Variants in ATG10 observed in about 807,000 individuals in gnomAD.
ATG10 encodes the protein autophagy related 10.
ATG10 carries 30 observed loss-of-function variants against 32.1 expected under a neutral mutation model. That is an observed-to-expected ratio of 0.94 (90% CI 0.70 to 1.27). ATG10 has a LOEUF of 1.27. ATG10 is among the 50% of genes most tolerant of loss of function. The probability of loss-of-function intolerance (pLI) is 0.00; values close to 1 mark genes in which losing one functional copy is unlikely to be tolerated. For synonymous variants in ATG10, 87 were observed against 91.5 expected (o/e 0.95, Z 0.28); for missense variants, 233 against 262.3 (o/e 0.89, Z 0.77).
intron 5 of ATG10, among the ~76,000 whole-genome samples, chr5:82,233,618 A>G (rs184947755): frequency 2.0e-5 from 3 of 152,310 alleles, no homozygotes; most frequent in Admixed American, 1.3e-4. Flanking sequence ...TCTAAGTTAA[A>G]TGAACCAGTG....
At chr5:82,082,394 T>C (rs1009076637) in intron 3 of ATG10, among the ~76,000 whole-genome samples, 1 of 152,214 alleles carries the variant, frequency 6.6e-6, no homozygotes, top group South Asian at 2.1e-4. Flanking sequence ...TTCTTATATC[T>C]TCAAAATTTG....
intron 3 of ATG10, among the ~76,000 whole-genome samples, chr5:82,104,792 T>C (rs1464389768): frequency 4.6e-5 from 7 of 152,204 alleles, no homozygotes; most frequent in Non-Finnish European, 1.5e-5. Context: ...GTTAAACCTA[T>C]ATATGAGATT....
intron 3 of ATG10, among the ~76,000 whole-genome samples, chr5:82,139,982 GT>G (rs1767010970): frequency 7.6e-6 from 1 of 132,074 alleles, no homozygotes; most frequent in Admixed American, 7.1e-5. Context: ...CGTCAGGGAG[GT>G]GAGGGGCGCC....
intron 3 of ATG10, among the ~76,000 whole-genome samples, chr5:82,125,735 G>C (rs1419143378): frequency 6.6e-6 from 1 of 151,838 alleles, no homozygotes; most frequent in Admixed American, 6.6e-5. Flanking sequence ...TCTTTTTGCT[G>C]AGGATTGTCT....
intron 3 of ATG10, among the ~76,000 whole-genome samples, chr5:82,127,144 T>G (rs1157662918): frequency 6.6e-6 from 1 of 152,178 alleles, no homozygotes; most frequent in Non-Finnish European, 1.5e-5. Context: ...TTATCATTTT[T>G]TATTGCATGT....
intron 3 of ATG10, among the ~76,000 whole-genome samples, chr5:82,088,537 A>G (rs1242072228): frequency 6.6e-6 from 1 of 152,182 alleles, no homozygotes; most frequent in African/African-American, 2.4e-5. Flanking sequence ...GAGGCAAGAG[A>G]GACACACTCA....
At chr5:82,183,407 A>G (rs1324347374) in intron 5 of ATG10, among the ~76,000 whole-genome samples, 1 of 146,410 alleles carries the variant, frequency 6.8e-6, no homozygotes, top group African/African-American at 2.5e-5. Context: ...TTTTTTTTCT[A>G]ATTGTATTTC....
At chr5:82,019,879 C>G (rs1175242421) in intron 2 of ATG10, among the ~76,000 whole-genome samples, 1 of 152,160 alleles carries the variant, frequency 6.6e-6, no homozygotes, top group Admixed American at 6.5e-5. Context: ...CAAAGAGTAG[C>G]CAGGCTTGAC....
intron 2 of ATG10, among the ~76,000 whole-genome samples, chr5:82,044,412 A>C (rs1275355135): frequency 6.6e-6 from 1 of 152,110 alleles, no homozygotes; most frequent in Non-Finnish European, 1.5e-5. Context: ...CATGGTCTCT[A>C]ATTCTATCAC....
rs77349086 is a variant in ATG10, at chr5:82,121,941, G to GTTTTTTTTTTTTTTTTTTTTTT, written c.217-42439_217-42438insTTTTTTTTTTTTTTTTTTTTTT. Among the ~76,000 whole-genome samples the GTTTTTTTTTTTTTTTTTTTTTT allele has an allele frequency of 6.8e-4, 82 of 120,992 alleles. 4 individuals carry two copies. The highest frequency in any genetic ancestry group is 4.5e-3 in the Middle Eastern group (1 of 224). The allele number at this position is 120,992 out of a possible 152,430, so 79.4% of individuals were successfully genotyped here. A position where few individuals can be genotyped will look rare whatever the true frequency, so the allele number is the denominator to read the frequency against. On this transcript the variant is annotated intron_variant, in intron 3 of 7. Transcript: ENST00000282185. ...GATTTTGCATCAATATTGGCCTGAAGTTTTTTTTTTTTTTTTTTTATGTCT... is the reference window on the plus strand; with the variant it reads ...GATTTTGCATCAATATTGGCCTGAAGTTTTTTTTTTTTTTTTTTTTTTTTTTTTTTTTTTTTTTTTTATGTCT...
chr5:82,044,637 G>A (rs1238548906), intron 2 of ATG10, among the ~76,000 whole-genome samples: 13 of 151,942 alleles, frequency 8.6e-5, no homozygotes, highest in Middle Eastern at 3.2e-3. Context: ...GAATTGCGAC[G>A]GCAAGTCCTG....
chr5:82,225,785 T>G (rs1441674216), intron 5 of ATG10, among the ~76,000 whole-genome samples: 6 of 152,182 alleles, frequency 3.9e-5, no homozygotes, highest in Admixed American at 1.3e-4. Context: ...TTATAAATGC[T>G]TCTAGAGGGA....
At position 82,255,166 on chromosome 5, in the gene ATG10, T is replaced by C. The variant is rs1054523498; in HGVS notation, c.*1103T>C. 2.6e-5 allele frequency: 4 copies of C among 152,218 alleles called. No individual in the cohort carries two copies. Among genetic ancestry groups the C allele is most frequent in the African/African-American group, 9.6e-5 (4 of 41,454 alleles). 9.4% of individuals were successfully genotyped at this position (152,218 alleles called of 1,614,324 possible). The stretch of plus-strand genomic sequence containing the variant: ...CTCTTTGAGGGCTCTTGAGCGAGTC[T>C]TCATGTCCCTGAGACTTATTTTCCT... On this transcript the variant is annotated 3_prime_UTR_variant, in exon 8 of 8. Transcript: ENST00000282185.
rs185880040 is a variant in ATG10, at chr5:82,254,355, G to C, written c.*292G>C. The C allele has an allele frequency of 2.7e-4, 41 of 152,218 alleles. No homozygotes were observed. Among genetic ancestry groups the C allele is most frequent in the African/African-American group, 9.4e-4 (39 of 41,416 alleles). 9.4% of individuals were successfully genotyped at this position (152,218 alleles called of 1,614,324 possible). A position where few individuals can be genotyped will look rare whatever the true frequency, so the allele number is the denominator to read the frequency against. On this transcript the variant is annotated 3_prime_UTR_variant, in exon 8 of 8. Coordinates refer to ENST00000282185, the MANE Select transcript of ATG10 (RefSeq NM_031482.5). ...GAGCATCACTTGATCCTGGGAGTTCGAGACCAGCCTGGGCAACATGGTGAA... is the reference window on the plus strand; with the variant it reads ...GAGCATCACTTGATCCTGGGAGTTCCAGACCAGCCTGGGCAACATGGTGAA...
intron 3 of ATG10, among the ~76,000 whole-genome samples, chr5:82,128,223 G>T (rs1766359699): frequency 8.2e-6 from 1 of 122,096 alleles, no homozygotes; most frequent in Non-Finnish European, 1.8e-5. Context: ...GCACACCGAT[G>T]GGTCTTGACT....
chr5:82,238,973 G>T (rs1313923029), intron 5 of ATG10, among the ~76,000 whole-genome samples: 3 of 152,126 alleles, frequency 2.0e-5, no homozygotes, highest in Admixed American at 2.0e-4. Flanking sequence ...TAATGTGGAA[G>T]CCAATAGATA....
intron 2 of ATG10, among the ~76,000 whole-genome samples, chr5:81,989,267 C>G (rs1045896362): frequency 1.3e-5 from 2 of 152,218 alleles, no homozygotes; most frequent in African/African-American, 4.8e-5. Context: ...CCTGTATGCA[C>G]TCTGAGGAAC....
intron 3 of ATG10, among the ~76,000 whole-genome samples, chr5:82,108,769 T>C (rs1205372713): frequency 6.6e-6 from 1 of 151,748 alleles, no homozygotes; most frequent in South Asian, 2.1e-4. Context: ...GAAAAAGGAG[T>C]TGAAGATAGC....
At chr5:82,225,035 A>G (rs1277825518) in intron 5 of ATG10, among the ~76,000 whole-genome samples, 1 of 152,236 alleles carries the variant, frequency 6.6e-6, no homozygotes, top group Non-Finnish European at 1.5e-5. Flanking sequence ...AATTAAATTC[A>G]TGGAAGCTGA....
Sources: allele counts gnomAD v4.1 joint callset (sites outside exome capture counted in the v4.1 genomes callset), GRCh38; gene constraint gnomAD v4.1.1; transcripts MANE v1.5; gene names NCBI Gene and HGNC (gene_info 2026-07-23, HGNC 2026-07-21).